Variants in ARHGAP39 observed in about 807,000 individuals in gnomAD.
ARHGAP39 encodes the protein Rho GTPase activating protein 39, also known as rho GTPase-activating protein 39.
A neutral mutation model predicts 106.9 loss-of-function variants in ARHGAP39; 44 were observed. The observed-to-expected ratio is 0.41, with a 90% CI of 0.32 to 0.53. The LOEUF (loss-of-function observed/expected upper bound fraction) is 0.53, where lower values mean the gene tolerates loss of function less well. Among genes scored for constraint, ARHGAP39 ranks in the 20% least tolerant of loss-of-function variants. The probability of loss-of-function intolerance (pLI) is 0.21; values close to 1 mark genes in which losing one functional copy is unlikely to be tolerated. For synonymous variants in ARHGAP39, 768 were observed against 693.2 expected, an observed-to-expected ratio of 1.11 and a Z score of -1.69; for missense variants, 1,496 against 1,577.3, an observed-to-expected ratio of 0.95 and a Z score of 0.87.
intron 1 of ARHGAP39, among the ~76,000 whole-genome samples, chr8:144,682,027 G>T (rs1822433962): frequency 6.6e-6 from 1 of 152,180 alleles, no homozygotes; most frequent in Non-Finnish European, 1.5e-5. Context: ...CAAGCACTTT[G>T]GGAGGCCGAG....
chr8:144,594,956 C>A (rs1228667574), intron 2 of ARHGAP39, among the ~76,000 whole-genome samples: 1 of 152,126 alleles, frequency 6.6e-6, no homozygotes, highest in African/African-American at 2.4e-5. Context: ...GTGGGAGGAT[C>A]GCTTCAGCCT....
chr8:144,592,041 A>G (rs929528038), intron 2 of ARHGAP39, among the ~76,000 whole-genome samples: 3 of 152,232 alleles, frequency 2.0e-5, no homozygotes, highest in Non-Finnish European at 1.5e-5. Flanking sequence ...AAGCTCAGAC[A>G]GCAGAGAATC....
chr8:144,559,588 C>T (rs976119775), intron 3 of ARHGAP39, among the ~76,000 whole-genome samples: 2 of 152,086 alleles, frequency 1.3e-5, no homozygotes, highest in Non-Finnish European at 2.9e-5. Flanking sequence ...TATGACATGG[C>T]TGCTGAAATA....
the ARHGAP39 span, among the ~76,000 whole-genome samples, chr8:144,694,914 C>G: frequency 0.019 from 2,814 of 152,056 alleles, 44 homozygotes; most frequent in Non-Finnish European, 0.028. Context: ...CGATCAGCAC[C>G]AAGTGCTATT....
intron 1 of ARHGAP39, among the ~76,000 whole-genome samples, chr8:144,666,149 G>C (rs117309198): frequency 6.6e-6 from 1 of 152,276 alleles, no homozygotes; most frequent in South Asian, 2.1e-4. Context: ...AACTTGCAAG[G>C]GGCCTGTAAC....
At chr8:144,540,693 G>C (rs1022347716) in intron 6 of ARHGAP39, among the ~76,000 whole-genome samples, 1 of 152,040 alleles carries the variant, frequency 6.6e-6, no homozygotes, top group Non-Finnish European at 1.5e-5. Context: ...CCAGCTACTC[G>C]GGAGGCTGAG....
intron 6 of ARHGAP39, among the ~76,000 whole-genome samples, chr8:144,538,053 G>A (rs546278360): frequency 5.9e-5 from 9 of 152,242 alleles, no homozygotes; most frequent in South Asian, 4.1e-4. Context: ...GTGAGTGGAG[G>A]TGCAGGGAAG....
At chr8:144,621,499 T>G (rs1455524402) in intron 1 of ARHGAP39, among the ~76,000 whole-genome samples, 3 of 152,016 alleles carry the variant, frequency 2.0e-5, no homozygotes, top group African/African-American at 7.2e-5. Flanking sequence ...CGGGAAGGGC[T>G]GGGGGGCAGG....
intron 6 of ARHGAP39, among the ~76,000 whole-genome samples, chr8:144,542,318 A>C (rs1304052485): frequency 6.6e-6 from 1 of 152,206 alleles, no homozygotes; most frequent in Admixed American, 6.5e-5. Context: ...AGCTGGGGGC[A>C]TCACCTCGTG....
intron 2 of ARHGAP39, among the ~76,000 whole-genome samples, chr8:144,601,800 CCT>C (rs1491525591): frequency 1.2e-4 from 13 of 109,096 alleles, no homozygotes; most frequent in Admixed American, 4.3e-4. Flanking sequence ...TGCTAATGTA[CCT>C]GTGTGTGTGT....
rs149104548 is a variant in ARHGAP39 at position 144,575,379 on chromosome 8, T to C, written c.512+5467A>G. On this transcript the variant is annotated intron_variant, in intron 3 of 11. Coordinates refer to ENST00000377307, the MANE Select transcript of ARHGAP39 (RefSeq NM_025251.3). ...AACTTTTTGAGTCTTTTAGAACACT[T>C]TGCTTAACATACACATTGTACAACT... Among the ~76,000 whole-genome samples, 373 of 152,356 alleles carry C rather than the reference T, an allele frequency of 2.4e-3. 2 individuals are homozygous for C. Among genetic ancestry groups the C allele is most frequent in the African/African-American group, 8.7e-3 (362 of 41,576 alleles).
At chr8:144,536,842 C>T (rs1389037215) in intron 7 of ARHGAP39, among the ~76,000 whole-genome samples, 1 of 152,242 alleles carries the variant, frequency 6.6e-6, no homozygotes, top group African/African-American at 2.4e-5. Flanking sequence ...ACAGAAAGCT[C>T]GCTGGCACTG....
At position 144,530,010 on chromosome 8, in the gene ARHGAP39, C is replaced by G; in HGVS notation, c.*412G>C. 5.3e-6 allele frequency: 1 copy of G among 189,182 alleles called. No homozygotes were observed. Among genetic ancestry groups the G allele is most frequent in the Non-Finnish European group, 1.1e-5 (1 of 91,826 alleles). 11.7% of individuals were successfully genotyped at this position (189,182 alleles called of 1,614,324 possible). ...GGCTGGGAAGAGCTGCAGGCCAGGA[C>G]GAGGACAGGAGAAAGGGAAGGAGAG... On this transcript the variant is annotated 3_prime_UTR_variant, in exon 12 of 12. Transcript: ENST00000377307.
intron 1 of ARHGAP39, among the ~76,000 whole-genome samples, chr8:144,626,786 C>T (rs1199547873): frequency 1.3e-5 from 2 of 152,242 alleles, no homozygotes; most frequent in Non-Finnish European, 2.9e-5. Context: ...CAGCTTCCCT[C>T]CCCTCCCCTC....
chr8:144,611,357 C>T lies in ARHGAP39; in HGVS notation c.-81-5662G>A, dbSNP rs369305752. On this transcript the variant is annotated intron_variant, in intron 1 of 11. Transcript: ENST00000377307. ...AAAGAACGTGCTGCCGGGTGAAGTG[C>T]GTATAAAGCCAATCGGATCAGGCTG... 1.4e-4 allele frequency among the ~76,000 whole-genome samples: 22 copies of T among 152,286 alleles called. 1 individual carries two copies. In the South Asian group the frequency reaches 1.9e-3, roughly 13 times the overall value.
At chr8:144,672,622 G>T (rs1186410807) in intron 1 of ARHGAP39, among the ~76,000 whole-genome samples, 1 of 152,148 alleles carries the variant, frequency 6.6e-6, no homozygotes, top group African/African-American at 2.4e-5. Context: ...ACTGTGCTCT[G>T]TGTGCGCCTA....
At chr8:144,632,548 C>A (rs1484387149) in intron 1 of ARHGAP39, among the ~76,000 whole-genome samples, 1 of 152,230 alleles carries the variant, frequency 6.6e-6, no homozygotes, top group South Asian at 2.1e-4. Flanking sequence ...AGGGCAGAGC[C>A]GGGTCTGGGC....
At chr8:144,654,545 G>A (rs544382214) in intron 1 of ARHGAP39, among the ~76,000 whole-genome samples, 23 of 152,290 alleles carry the variant, frequency 1.5e-4, no homozygotes, top group African/African-American at 4.6e-4. Context: ...TGCTGGCAGC[G>A]GCCAGTCAAG....
intron 4 of ARHGAP39, among the ~76,000 whole-genome samples, chr8:144,549,373 T>C (rs1338715349): frequency 3.9e-5 from 6 of 152,246 alleles, no homozygotes; most frequent in Admixed American, 1.3e-4. Context: ...TTGGGACGCA[T>C]AGCACTTTGC....
Sources: gnomAD v4.1 joint callset for allele counts (sites outside exome capture counted in the v4.1 genomes callset) on GRCh38, gnomAD v4.1.1 for gene constraint, MANE v1.5 for transcripts, NCBI Gene and HGNC (gene_info 2026-07-23, HGNC 2026-07-21) for gene names.